AK2: variants seen among roughly 807,000 people sequenced by gnomAD.
AK2 encodes adenylate kinase 2, mitochondrial.
AK2 carries 15 observed loss-of-function variants against 24.6 expected under a neutral mutation model. The ratio of observed to expected loss-of-function variants is 0.61; its 90% CI spans 0.41 to 0.94. The LOEUF (loss-of-function observed/expected upper bound fraction) is 0.94. AK2 is among the 40% of genes least tolerant of loss of function. The probability of loss-of-function intolerance (pLI) is 0.00; values close to 1 mark genes in which losing one functional copy is unlikely to be tolerated. For missense variants in AK2, 257 were observed against 304.1 expected, an observed-to-expected ratio of 0.85 and a Z score of 1.15; for synonymous variants, 102 against 114.0, an observed-to-expected ratio of 0.90 and a Z score of 0.67.
chr1:33,016,766 C>T (rs947178961), intron 4 of AK2, among the ~76,000 whole-genome samples: 7 of 150,014 alleles, frequency 4.7e-5, no homozygotes, highest in African/African-American at 1.7e-4. Flanking sequence ...AGTGCAGTGT[C>T]ATGGTCTCGG....
rs139809258 is a variant in AK2, at chr1:33,018,606, T to C, written c.425+2761A>G. On this transcript the variant is annotated intron_variant, in intron 4 of 5. Transcript: ENST00000672715. ...TGGAAAAACACCTTCAGCAGTGACA[T>C]GCTCTGTGAGGACGGGGGTCCTTCT... Among the ~76,000 whole-genome samples the C allele has an allele frequency of 7.1e-3, 1,075 of 152,286 alleles. 17 individuals carry two copies. Among genetic ancestry groups the C allele is most frequent in the African/African-American group, 0.025 (1,019 of 41,550 alleles).
intron 1 of AK2, among the ~76,000 whole-genome samples, chr1:33,026,373 T>C (rs1418827222): frequency 6.6e-6 from 1 of 152,200 alleles, no homozygotes; most frequent in East Asian, 1.9e-4. Context: ...AATTTTTATG[T>C]AATTGGGAGT....
At chr1:33,030,153 G>A (rs910092977) in intron 1 of AK2, among the ~76,000 whole-genome samples, 7 of 152,116 alleles carry the variant, frequency 4.6e-5, no homozygotes, top group South Asian at 4.1e-4. Context: ...CCAAATACGC[G>A]GCATAAATGC....
chr1:33,028,195 G>A (rs1340946033), intron 1 of AK2, among the ~76,000 whole-genome samples: 4 of 152,048 alleles, frequency 2.6e-5, no homozygotes, highest in South Asian at 4.2e-4. Context: ...TAAATCACTG[G>A]AGGAATGCTG....
At position 33,008,052 on chromosome 1, in the gene AK2, T is replaced by C; in HGVS notation, c.*5129A>G. On this transcript the variant is annotated 3_prime_UTR_variant, in exon 6 of 6. Transcript: ENST00000672715. ...ATGAAAACACATAAAGAATTCTGCA[T>C]ATAATTTCAGAGGTCTATGATTTCT... 1 of 454,170 alleles carries C rather than the reference T, an allele frequency of 2.2e-6. No individual in the cohort carries two copies. Among genetic ancestry groups the C allele is most frequent in the South Asian group, 1.6e-5 (1 of 64,482 alleles). 28.1% of individuals were successfully genotyped at this position (454,170 alleles called of 1,614,324 possible).
rs1350283943 is a variant in AK2, at chr1:33,011,729, A to G, written c.*1452T>C. On this transcript the variant is annotated 3_prime_UTR_variant, in exon 6 of 6. Coordinates refer to ENST00000672715, the MANE Select transcript of AK2 (RefSeq NM_001625.4). ...ACTTCATCTGTTTGCCACAAATCAAACCAGAGACCAAAAGACAGCAGGGAC... is the reference window on the plus strand; with the variant it reads ...ACTTCATCTGTTTGCCACAAATCAAGCCAGAGACCAAAAGACAGCAGGGAC... 1.5e-6 allele frequency: 2 copies of G among 1,351,306 alleles called. No homozygotes were observed. Among genetic ancestry groups the G allele is most frequent in the East Asian group, 8.7e-5 (2 of 23,024 alleles). The allele number at this position is 1,351,306 out of a possible 1,614,324, so 83.7% of individuals were successfully genotyped here.
rs568383534 is a variant in AK2 at position 33,024,227 on chromosome 1, AC to A, written c.219+214del. ...CCAGTTTGTTAAAACACCCTCTAGC[AC>A]ATGGTTGTTCAACAGAATTTTGTTT... On this transcript the variant is annotated intron_variant, in intron 2 of 5. Coordinates refer to ENST00000672715, the MANE Select transcript of AK2 (RefSeq NM_001625.4). 192 of 649,750 alleles carry A rather than the reference AC, an allele frequency of 3.0e-4. 2 individuals carry two copies. In the South Asian group the frequency reaches 3.4e-3, roughly 12 times the overall value. 40.2% of individuals were successfully genotyped at this position (649,750 alleles called of 1,614,324 possible). A position where few individuals can be genotyped will look rare whatever the true frequency, so the allele number is the denominator to read the frequency against.
At chr1:33,025,960 T>C (rs1020958233) in intron 1 of AK2, among the ~76,000 whole-genome samples, 4 of 152,216 alleles carry the variant, frequency 2.6e-5, no homozygotes, top group Non-Finnish European at 5.9e-5. Flanking sequence ...GCATAGACTA[T>C]GTACTTAAAG....
intron 1 of AK2, chr1:33,029,218 T>C (rs1640089943): frequency 6.6e-6 from 1 of 152,132 alleles, no homozygotes; most frequent in Admixed American, 6.6e-5. Context: ...ATCATCTTCT[T>C]CTTATGTTTT....
In AK2 at chr1:33,008,420, A is replaced by G. The variant is rs1396976614; in HGVS notation, c.*4761T>C. 2.2e-6 allele frequency: 1 copy of G among 454,120 alleles called. No homozygotes were observed. Among genetic ancestry groups the G allele is most frequent in the Admixed American group, 2.3e-5 (1 of 42,574 alleles). The allele number at this position is 454,120 out of a possible 1,614,324, so 28.1% of individuals were successfully genotyped here. On this transcript the variant is annotated 3_prime_UTR_variant, in exon 6 of 6. Coordinates refer to ENST00000672715, the MANE Select transcript of AK2 (RefSeq NM_001625.4). ...GTGTTCTGTCAGTGACACTTTGTGC[A>G]CACAGGAGATCCTAAGACACATACC...
In AK2 at chr1:33,012,801, G is replaced by A; in HGVS notation, c.*380C>T. On this transcript the variant is annotated 3_prime_UTR_variant, in exon 6 of 6. Transcript: ENST00000672715. ...AGTCCCAGCTGCTCAGGAGGCTGAG[G>A]TGGGATAATTGCTTGAGCCCCAGGA... 9.6e-7 allele frequency: 1 copy of A among 1,043,250 alleles called. No individual in the cohort carries two copies. Among genetic ancestry groups the A allele is most frequent in the Non-Finnish European group, 1.3e-6 (1 of 764,966 alleles). The allele number at this position is 1,043,250 out of a possible 1,614,324, so 64.6% of individuals were successfully genotyped here.
intron 4 of AK2, chr1:33,019,733 A>G (rs1639413365): frequency 2.8e-5 from 29 of 1,039,442 alleles, no homozygotes; most frequent in Non-Finnish European, 3.2e-5. Flanking sequence ...AATGTCTGAA[A>G]TAAGAAAACA....
chr1:33,014,950 G>A (rs1639088944), intron 4 of AK2, among the ~76,000 whole-genome samples: 1 of 152,148 alleles, frequency 6.6e-6, no homozygotes, highest in Non-Finnish European at 1.5e-5. Context: ...CAAGCCTTAA[G>A]CTGAATTCAG....
Position 33,018,643 on chromosome 1 carries a change from A to T in AK2, c.425+2724T>A, listed in dbSNP as rs143520723. On this transcript the variant is annotated intron_variant, in intron 4 of 5. Transcript: ENST00000672715. Reference sequence around the variant, plus strand: ...ACGGGGGTCCTTCTCTCTGTGAGGAAGTCACACTAACCACCTACTTCCAAA... The same window carrying T: ...ACGGGGGTCCTTCTCTCTGTGAGGATGTCACACTAACCACCTACTTCCAAA... 3.3e-5 allele frequency among the ~76,000 whole-genome samples: 5 copies of T among 152,272 alleles called. No individual in the cohort carries two copies. In the East Asian group the frequency reaches 9.6e-4, roughly 29 times the overall value.
chr1:33,032,388 A>C (rs576005899), intron 1 of AK2: 6 of 152,262 alleles, frequency 3.9e-5, no homozygotes, highest in Non-Finnish European at 7.3e-5. Flanking sequence ...TTTTTAAGAG[A>C]AATTGCATAA....
chr1:33,034,412 T>C (rs956795332), intron 1 of AK2, among the ~76,000 whole-genome samples: 24 of 151,624 alleles, frequency 1.6e-4, no homozygotes, highest in African/African-American at 5.8e-4. Context: ...GAGTACCTAC[T>C]ATATAGCAGG....
chr1:33,016,214 T>TTA (rs1357743094), intron 4 of AK2, among the ~76,000 whole-genome samples: 5 of 152,154 alleles, frequency 3.3e-5, no homozygotes, highest in African/African-American at 4.8e-5. Flanking sequence ...TGTACTTTTA[T>TTA]TTTTATTTTA....
At position 33,011,103 on chromosome 1, in the gene AK2, T is replaced by C. The variant is rs2124266672; in HGVS notation, c.*2078A>G. ...CCAAATATTACTTGTACATGTTGTA[T>C]GCACACGTGAATCTATGTGGACGGA... is the stretch of plus-strand genomic sequence containing the variant. On this transcript the variant is annotated 3_prime_UTR_variant, in exon 6 of 6. Coordinates refer to ENST00000672715, the MANE Select transcript of AK2 (RefSeq NM_001625.4). 7 of 1,431,922 alleles carry C rather than the reference T, an allele frequency of 4.9e-6. No homozygotes were observed. The highest frequency in any genetic ancestry group is 5.5e-6 in the Non-Finnish European group (6 of 1,097,508). The allele number at this position is 1,431,922 out of a possible 1,614,324, so 88.7% of individuals were successfully genotyped here. A position where few individuals can be genotyped will look rare whatever the true frequency, so the allele number is the denominator to read the frequency against.
At chr1:33,020,960 A>G (rs1639507173) in intron 4 of AK2, among the ~76,000 whole-genome samples, 1 of 152,104 alleles carries the variant, frequency 6.6e-6, no homozygotes, top group East Asian at 1.9e-4. Context: ...CCGGGCCAAC[A>G]TGGTGAAACT....
Sources: allele counts gnomAD v4.1 joint callset (sites outside exome capture counted in the v4.1 genomes callset), GRCh38; gene constraint gnomAD v4.1.1; transcripts MANE v1.5; gene names NCBI Gene and HGNC (gene_info 2026-07-23, HGNC 2026-07-21).